Variants in ACSF2 observed in about 807,000 individuals in gnomAD.
ACSF2 encodes the protein medium-chain acyl-CoA ligase ACSF2, mitochondrial.
ACSF2 carries 52 observed loss-of-function variants against 79.3 expected under a neutral mutation model. The ratio of observed to expected loss-of-function variants is 0.66; its 90% confidence interval spans 0.53 to 0.83. The LOEUF is 0.83. ACSF2 is among the 40% of genes least tolerant of loss of function. The pLI is 0.00. For synonymous variants in ACSF2, 283 were observed against 312.6 expected (o/e 0.91, Z 1.00); for missense variants, 661 against 803.3 (o/e 0.82, Z 2.14).
At chr17:50,442,979 G>C (rs1323237256) in intron 1 of ACSF2, among the ~76,000 whole-genome samples, 1 of 151,046 alleles carries the variant, frequency 6.6e-6, no homozygotes, top group African/African-American at 2.4e-5. Flanking sequence ...GCGCAATCTC[G>C]GCTCACTACA....
Position 50,462,267 on chromosome 17 carries a change from G to A in ACSF2, c.591G>A (p.Val197=). ...TCCTGAAGCAGATCTGTCCAGAAGT[G>A]GAGAATGCCCAGCCAGGGGCCTTGA... ...YNVLKQICPE[V]ENAQPGALKS... is the part of the protein sequence containing the mutation. The change falls in exon 5 of 16, where the codon GTG becomes GTA. Residue 197 remains valine (V), a synonymous_variant. Coordinates refer to ENST00000300441, the MANE Select transcript of ACSF2 (RefSeq NM_025149.6). The A allele has an allele frequency of 1.2e-6, 2 of 1,614,084 alleles. No individual in the cohort carries two copies. The highest frequency in any genetic ancestry group is 1.1e-5 in the South Asian group (1 of 91,074).
rs555294704 is a variant in ACSF2, at chr17:50,438,899, C to T, written c.128+12510C>T. Reference sequence around the variant, plus strand: ...TTTTCAATCTAAGGTTGATTGAATCCACAGATGCAGAAACCATGGATACAG... The same window carrying T: ...TTTTCAATCTAAGGTTGATTGAATCTACAGATGCAGAAACCATGGATACAG... On this transcript the variant is annotated intron_variant, in intron 1 of 15. Transcript: ENST00000300441. Among the ~76,000 whole-genome samples, 14 of 152,164 alleles carry T rather than the reference C, an allele frequency of 9.2e-5. No homozygotes were observed. The South Asian group carries it at 2.9e-3, about 32-fold the overall frequency.
chr17:50,465,178 G>C, intron 10 of ACSF2: 3 of 1,273,064 alleles, frequency 2.4e-6, no homozygotes, highest in Non-Finnish European at 2.2e-6. Context: ...TCCTCTCTCT[G>C]TAAAAATGGA....
At chr17:50,470,916 G>A in intron 10 of ACSF2, 112 bp from the exon 11 acceptor site, 1 of 786,432 alleles carries the variant, frequency 1.3e-6, no homozygotes, top group East Asian at 2.6e-5. Flanking sequence ...CCATTCGGCT[G>A]CCCTCCACTT....
At chr17:50,434,880 T>G (rs2030261477) in intron 1 of ACSF2, among the ~76,000 whole-genome samples, 1 of 152,080 alleles carries the variant, frequency 6.6e-6, no homozygotes, top group African/African-American at 2.4e-5. Flanking sequence ...TTTTCTTTTT[T>G]TTATTTTGAG....
At chr17:50,453,433 C>T (rs1378401552) in intron 1 of ACSF2, among the ~76,000 whole-genome samples, 1 of 152,030 alleles carries the variant, frequency 6.6e-6, no homozygotes, top group Non-Finnish European at 1.5e-5. Context: ...GTCTCAAACT[C>T]CTGACCTCAG....
chr17:50,441,485 T>A (rs1255026169), intron 1 of ACSF2, among the ~76,000 whole-genome samples: 5 of 152,184 alleles, frequency 3.3e-5, no homozygotes, highest in African/African-American at 1.2e-4. Context: ...TGGCGGTCCT[T>A]TTTAAGTCAC....
Position 50,451,783 on chromosome 17 carries a change from GA to G in ACSF2, c.129-8893del, listed in dbSNP as rs534255639. Among the ~76,000 whole-genome samples the G allele has an allele frequency of 7.2e-4, 110 of 152,304 alleles. 1 individual carries two copies. Among genetic ancestry groups the G allele is most frequent in the African/African-American group, 2.5e-3 (104 of 41,562 alleles). Reference sequence around the variant, plus strand: ...TATTTTATTTTTTTGCCTTCCAAGTGAGCATGATGTGGTACCTCATTGTGGT... The same window carrying G: ...TATTTTATTTTTTTGCCTTCCAAGTGGCATGATGTGGTACCTCATTGTGGT... On this transcript the variant is annotated intron_variant, in intron 1 of 15. Coordinates refer to ENST00000300441, the MANE Select transcript of ACSF2 (RefSeq NM_025149.6).
intron 1 of ACSF2, among the ~76,000 whole-genome samples, chr17:50,449,566 G>A (rs1427390831): frequency 2.6e-5 from 4 of 151,180 alleles, no homozygotes; most frequent in South Asian, 2.1e-4. Flanking sequence ...CACCACGCCC[G>A]GCTAATTTTT....
At position 50,473,776 on chromosome 17, in the gene ACSF2, TCA is replaced by T. The variant is rs1354497200; in HGVS notation, c.1595_1596del (p.His532ProfsTer127). On this transcript the variant is annotated frameshift_variant, in exon 13 of 16. Transcript: ENST00000300441. LOFTEE classifies it high-confidence loss of function. Reference protein sequence around the residue: ...IYPAELEDFFHTHPKVQEVQV... With the variant: ...IYPAELEDFFXTHPKVQEVQV... ...ACCCCGCAGAGCTCGAGGACTTCTTTCACACACACCCGAAGGTGCAGGAAGTG... is the reference window on the plus strand; with the variant it reads ...ACCCCGCAGAGCTCGAGGACTTCTTTCACACACCCGAAGGTGCAGGAAGTG... 7 of 1,614,172 alleles carry T rather than the reference TCA, an allele frequency of 4.3e-6. No homozygotes were observed. The highest frequency in any genetic ancestry group is 5.9e-6 in the Non-Finnish European group (7 of 1,180,024).
At chr17:50,470,961 C>T in intron 10 of ACSF2, 67 bp from the exon 11 acceptor site, 1 of 1,168,554 alleles carries the variant, frequency 8.6e-7, no homozygotes, top group Non-Finnish European at 1.3e-6. Flanking sequence ...CCCATTTCCT[C>T]AGATAGCTCA....
chr17:50,439,584 G>A lies in ACSF2; in HGVS notation c.128+13195G>A, dbSNP rs138224678. ...TGCTGTGCTGAAGAGTTCTTTTTTA[G>A]GTATTGCCCTGGCGAGACTGTGCTA... On this transcript the variant is annotated intron_variant, in intron 1 of 15. Transcript: ENST00000300441. 8.3e-3 allele frequency among the ~76,000 whole-genome samples: 1,270 copies of A among 152,102 alleles called. 8 individuals are homozygous for A. Among genetic ancestry groups the A allele is most frequent in the Non-Finnish European group, 0.012 (847 of 67,994 alleles).
At chr17:50,461,606 C>T (rs1395373316) in intron 3 of ACSF2, 27 bp from the exon 4 acceptor site, 1 of 1,613,936 alleles carries the variant, frequency 6.2e-7, no homozygotes, top group African/African-American at 1.3e-5. Flanking sequence ...GCCCAGAATA[C>T]TGATATGCCC....
In ACSF2 at chr17:50,463,867, C is replaced by A; in HGVS notation, c.1096C>A (p.Gln366Lys). 6.2e-7 allele frequency: 1 copy of A among 1,614,170 alleles called. No individual in the cohort carries two copies. The highest frequency in any genetic ancestry group is 8.5e-7 in the Non-Finnish European group (1 of 1,180,018). Reference sequence around the variant, plus strand: ...CACGATGTTCGTGGACATTCTGAACCAGCCAGACTTCTCCAGTTATGACAT... The same window carrying A: ...CACGATGTTCGTGGACATTCTGAACAAGCCAGACTTCTCCAGTTATGACAT... ...TPTMFVDILN[Q>K]PDFSSYDIST... Residue 366 changes from glutamine to lysine, a missense_variant, in exon 9 of 16, where the codon CAG (glutamine) becomes AAG (lysine). Coordinates refer to ENST00000300441, the MANE Select transcript of ACSF2 (RefSeq NM_025149.6). The surrounding 1 kb of genome is among the most constrained non-coding windows in gnomAD (Gnocchi z 4.6).
intron 1 of ACSF2, among the ~76,000 whole-genome samples, chr17:50,438,057 T>C (rs77395512): frequency 0.016 from 2,460 of 152,294 alleles, 91 homozygotes; most frequent in African/African-American, 0.056. Context: ...TCTGAATCCA[T>C]AAATAGTACA....
intron 10 of ACSF2, 198 bp from the exon 11 acceptor site, chr17:50,470,830 C>A: frequency 3.7e-6 from 2 of 547,516 alleles, no homozygotes; most frequent in South Asian, 2.3e-5. Context: ...TGGGGCCCTG[C>A]AGAGATCTAG....
At chr17:50,444,866 TGTAA>T (rs2031193170) in intron 1 of ACSF2, among the ~76,000 whole-genome samples, 2 of 152,204 alleles carry the variant, frequency 1.3e-5, no homozygotes, top group South Asian at 2.1e-4. Flanking sequence ...GTCTTCTGTG[TGTAA>T]GTGTCACTTG....
intron 10 of ACSF2, chr17:50,464,807 C>A (rs1238547523): frequency 5.9e-6 from 2 of 337,886 alleles, no homozygotes; most frequent in Non-Finnish European, 1.2e-5. Context: ...CCAAGAGGAG[C>A]TGGAGGGTGG....
chr17:50,433,916 C>T (rs939806056), intron 1 of ACSF2, among the ~76,000 whole-genome samples: 2 of 152,068 alleles, frequency 1.3e-5, no homozygotes, highest in Non-Finnish European at 2.9e-5. Context: ...TGACCCACCG[C>T]ACTGGCCCTT....
Sources: gnomAD v4.1 joint callset for allele counts (sites outside exome capture counted in the v4.1 genomes callset) on GRCh38, gnomAD v4.1.1 for gene constraint, Gnocchi (gnomAD v3.1) non-coding constraint, MANE v1.5 for transcripts, NCBI Gene and HGNC (gene_info 2026-07-23, HGNC 2026-07-21) for gene names.